ERC1: variants seen among roughly 807,000 people sequenced by gnomAD.
The protein encoded by ERC1 is RAB6 interacting protein 2.
In ERC1, 56 loss-of-function variants were observed where a neutral mutation model predicts 132.0. The observed-to-expected ratio is 0.42, with a 90% CI of 0.34 to 0.53. The LOEUF is 0.53. Ranked by LOEUF, ERC1 falls within the 20% of genes least tolerant of loss-of-function variation. The pLI, the probability that ERC1 is intolerant of heterozygous loss-of-function variation, is 0.03. For missense variants in ERC1, 1,202 were observed against 1,349.9 expected, an observed-to-expected ratio of 0.89 and a Z score of 1.72; for synonymous variants, 478 against 476.1, an observed-to-expected ratio of 1.00 and a Z score of -0.05.
intron 3 of ERC1, among the ~76,000 whole-genome samples, chr12:1,099,075 G>A (rs1412214277): frequency 6.6e-6 from 1 of 152,192 alleles, no homozygotes; most frequent in Non-Finnish European, 1.5e-5. Context: ...GTGTTTGTTA[G>A]AGTTGGTAAC....
intron 8 of ERC1, among the ~76,000 whole-genome samples, chr12:1,164,524 G>T (rs1327855101): frequency 1.4e-3 from 1 of 718 alleles, no homozygotes; most frequent in Non-Finnish European, 2.6e-3. Context: ...TGTATTTTTA[G>T]TAGAGAAGGG....
chr12:997,698 A>G (rs1961219958), intron 1 of ERC1, among the ~76,000 whole-genome samples: 1 of 152,226 alleles, frequency 6.6e-6, no homozygotes, highest in African/African-American at 2.4e-5. Flanking sequence ...CATGAGAATT[A>G]GACTAAGATT....
chr12:1,098,753 C>G (rs934105703), intron 3 of ERC1, among the ~76,000 whole-genome samples: 1 of 152,204 alleles, frequency 6.6e-6, no homozygotes, highest in Non-Finnish European at 1.5e-5. Context: ...GTCCTGAAAT[C>G]AGAGCAGAGG....
intron 18 of ERC1, among the ~76,000 whole-genome samples, chr12:1,482,748 A>AT (rs542844985): frequency 4.3e-4 from 66 of 152,068 alleles, no homozygotes; most frequent in African/African-American, 1.1e-3. Context: ...CACCTGGCCA[A>AT]TTTTTTTATA....
At chr12:1,036,467 C>T (rs1969109876) in intron 2 of ERC1, among the ~76,000 whole-genome samples, 1 of 151,884 alleles carries the variant, frequency 6.6e-6, no homozygotes, top group Non-Finnish European at 1.5e-5. Flanking sequence ...CTCCACCTCC[C>T]AGGTTCAAGT....
At chr12:1,285,564 T>G (rs150777630) in intron 14 of ERC1, among the ~76,000 whole-genome samples, 1 of 152,206 alleles carries the variant, frequency 6.6e-6, no homozygotes, top group Non-Finnish European at 1.5e-5. Flanking sequence ...TTTGAAAATT[T>G]AGACTAAATG....
chr12:1,207,061 T>G (rs1957410895), intron 12 of ERC1, among the ~76,000 whole-genome samples: 1 of 152,152 alleles, frequency 6.6e-6, no homozygotes, highest in South Asian at 2.1e-4. Context: ...TTTTATACTT[T>G]GCCCCCCAAA....
At chr12:1,220,242 G>A (rs1345771402) in intron 12 of ERC1, among the ~76,000 whole-genome samples, 2 of 152,128 alleles carry the variant, frequency 1.3e-5, no homozygotes, top group East Asian at 3.9e-4. Flanking sequence ...ATGTCACTGT[G>A]CTATGACATA....
At chr12:1,435,668 A>C (rs1453465143) in intron 17 of ERC1, among the ~76,000 whole-genome samples, 2 of 152,176 alleles carry the variant, frequency 1.3e-5, no homozygotes, top group African/African-American at 4.8e-5. Flanking sequence ...TTTTGCTCAG[A>C]TCTCTCCTCC....
At chr12:1,349,352 C>T (rs1265440393) in intron 15 of ERC1, among the ~76,000 whole-genome samples, 5 of 152,102 alleles carry the variant, frequency 3.3e-5, no homozygotes, top group African/African-American at 4.8e-5. Flanking sequence ...AAAAAGTGTT[C>T]GAGATCTTGG....
At position 1,276,908 on chromosome 12, in the gene ERC1, T is replaced by C. The variant is rs911862192; in HGVS notation, c.2620-12944T>C. On this transcript the variant is annotated intron_variant, in intron 14 of 18. Coordinates refer to ENST00000360905, the MANE Select transcript of ERC1 (RefSeq NM_178040.4). ...ACAGTGTTTTGAAATGTTTTCTTTG[T>C]TGCAATTGCGTTTCCACTGGATTTG... Among the ~76,000 whole-genome samples, 5 of 152,350 alleles carry C rather than the reference T, an allele frequency of 3.3e-5. No individual in the cohort carries two copies. The South Asian group carries it at 1.0e-3, about 32-fold the overall frequency.
At chr12:1,176,028 C>T (rs1261857706) in intron 8 of ERC1, among the ~76,000 whole-genome samples, 2 of 152,282 alleles carry the variant, frequency 1.3e-5, no homozygotes, top group East Asian at 1.9e-4. Flanking sequence ...TTTTGACCTC[C>T]TATTGTGAAT....
intron 2 of ERC1, among the ~76,000 whole-genome samples, chr12:1,039,356 A>T (rs1969765868): frequency 7.8e-6 from 1 of 128,940 alleles, no homozygotes; most frequent in Admixed American, 7.3e-5. Flanking sequence ...AAAAAAATAA[A>T]AATAAATAAA....
chr12:1,083,286 G>C lies in ERC1; in HGVS notation c.792G>C (p.Glu264Asp). ...TGEPCVAELT[E>D]ENFQRLHAEH... ...AACCTTGTGTAGCAGAGCTGACAGA[G>C]GAGAACTTTCAGAGGCTTCATGCTG... The change falls in exon 3 of 19, where the codon GAG (glutamate) becomes GAC (aspartate). Residue 264 changes from glutamate to aspartate, a missense_variant. Glu to Asp is a conservative substitution (Grantham distance 45). Coordinates refer to ENST00000360905, the MANE Select transcript of ERC1 (RefSeq NM_178040.4). 1 of 1,614,198 alleles carries C rather than the reference G, an allele frequency of 6.2e-7. No individual in the cohort carries two copies. The highest frequency in any genetic ancestry group is 8.5e-7 in the Non-Finnish European group (1 of 1,180,032).
In ERC1 at chr12:1,479,714, A is replaced by G. The variant is rs185533514; in HGVS notation, c.3214-10379A>G. On this transcript the variant is annotated intron_variant, in intron 18 of 18. Transcript: ENST00000360905. ...AAAAACCAAGGGAGGGGTTGGAAACAGAGTTCACTGAAGGGACAGAGACAT... is the reference window on the plus strand; with the variant it reads ...AAAAACCAAGGGAGGGGTTGGAAACGGAGTTCACTGAAGGGACAGAGACAT... Among the ~76,000 whole-genome samples, 604 of 151,926 alleles carry G rather than the reference A, an allele frequency of 4.0e-3. 10 individuals carry two copies. The highest frequency in any genetic ancestry group is 0.014 in the African/African-American group (560 of 41,202).
intron 17 of ERC1, among the ~76,000 whole-genome samples, chr12:1,426,319 G>T (rs2092638852): frequency 6.6e-6 from 1 of 152,028 alleles, no homozygotes; most frequent in Non-Finnish European, 1.5e-5. Flanking sequence ...TGGCCAGGCT[G>T]GTCTCGAACT....
At position 1,218,822 on chromosome 12, in the gene ERC1, A is replaced by G. The variant is rs773866252; in HGVS notation, c.2352-17947A>G. On this transcript the variant is annotated intron_variant, in intron 12 of 18. Coordinates refer to ENST00000360905, the MANE Select transcript of ERC1 (RefSeq NM_178040.4). Reference sequence around the variant, plus strand: ...GCTCCACTCTCAGTCCTATTCTCATATATATATATATACACACACACACAC... The same window carrying G: ...GCTCCACTCTCAGTCCTATTCTCATGTATATATATATACACACACACACAC... Among the ~76,000 whole-genome samples, 74 of 135,448 alleles carry G rather than the reference A, an allele frequency of 5.5e-4. 1 individual carries two copies. The highest frequency in any genetic ancestry group is 8.6e-4 in the Non-Finnish European group (57 of 66,344). The allele number at this position is 135,448 out of a possible 152,430, so 88.9% of individuals were successfully genotyped here.
chr12:1,295,963 G>A (rs1374799684), intron 15 of ERC1, among the ~76,000 whole-genome samples: 1 of 143,288 alleles, frequency 7.0e-6, no homozygotes, highest in Non-Finnish European at 1.5e-5. Flanking sequence ...GAGCAGAAAA[G>A]AGCATGCAGT....
intron 2 of ERC1, among the ~76,000 whole-genome samples, chr12:1,035,729 T>C (rs1020526886): frequency 3.3e-5 from 5 of 152,064 alleles, no homozygotes; most frequent in Non-Finnish European, 7.4e-5. Flanking sequence ...GAGACCATCC[T>C]GGCTAACACG....
Sources: allele counts gnomAD v4.1 joint callset (sites outside exome capture counted in the v4.1 genomes callset), GRCh38; gene constraint gnomAD v4.1.1; transcripts MANE v1.5; gene names NCBI Gene and HGNC (gene_info 2026-07-23, HGNC 2026-07-21).